The following SCD5 variants were observed in gnomAD, a reference collection of about 807,000 sequenced individuals.
The protein encoded by SCD5 is acyl-CoA-desaturase 4.
Under a neutral mutation model 30.4 loss-of-function variants are expected in SCD5, and 20 were observed. That is an observed-to-expected ratio of 0.66 (90% CI 0.46 to 0.96). The LOEUF (loss-of-function observed/expected upper bound fraction) is 0.96. Ranked by LOEUF, SCD5 falls within the 40% of genes least tolerant of loss-of-function variation. SCD5 has a pLI of 0.00. For missense variants in SCD5, 381 were observed against 443.3 expected (o/e 0.86, Z 1.26); for synonymous variants, 173 against 176.4 (o/e 0.98, Z 0.16).
At chr4:82,678,876 C>T (rs1728490986) in intron 3 of SCD5, among the ~76,000 whole-genome samples, 1 of 152,070 alleles carries the variant, frequency 6.6e-6, no homozygotes, top group Non-Finnish European at 1.5e-5. Flanking sequence ...TAGTGAAAAT[C>T]AACGTCAATA....
chr4:82,756,672 G>A (rs182187270), intron 1 of SCD5, among the ~76,000 whole-genome samples: 62 of 97,392 alleles, frequency 6.4e-4, no homozygotes, highest in African/African-American at 2.2e-3. Context: ...CCCTCCCCCC[G>A]TCCATGCAAT....
At chr4:82,678,070 T>A (rs1214861459) in intron 3 of SCD5, among the ~76,000 whole-genome samples, 2 of 152,006 alleles carry the variant, frequency 1.3e-5, no homozygotes, top group Non-Finnish European at 2.9e-5. Context: ...ACCAGGCAAC[T>A]AGGGGTGACC....
At chr4:82,767,067 C>A in intron 1 of SCD5, among the ~76,000 whole-genome samples, 1 of 152,126 alleles carries the variant, frequency 6.6e-6, no homozygotes, top group East Asian at 1.9e-4. Flanking sequence ...TTTTCCATTC[C>A]GGCTGGTGGG....
chr4:82,773,014 G>A (rs1721661517), intron 1 of SCD5, among the ~76,000 whole-genome samples: 1 of 152,148 alleles, frequency 6.6e-6, no homozygotes, highest in African/African-American at 2.4e-5. Flanking sequence ...CAACATTTCA[G>A]ATCTCATAGA....
intron 1 of SCD5, among the ~76,000 whole-genome samples, chr4:82,783,521 T>A (rs977151808): frequency 6.6e-6 from 1 of 151,958 alleles, no homozygotes; most frequent in African/African-American, 2.4e-5. Context: ...AGGAAAAAAA[T>A]TGGCCAGGCG....
intron 1 of SCD5, among the ~76,000 whole-genome samples, chr4:82,792,067 G>A (rs771400173): frequency 1.3e-5 from 2 of 151,624 alleles, no homozygotes; most frequent in African/African-American, 2.4e-5. Context: ...AGACCAGCCT[G>A]ACCAACATGA....
In SCD5 at chr4:82,680,762, T is replaced by C. The variant is rs1728551987; in HGVS notation, c.514A>G (p.Arg172Gly). Reference sequence around the variant, plus strand: ...AGCAGGTCAGTGACGTCAAGCTTTCTCCCCTTCTCAATAACATCTCGATGC... The same window carrying C: ...AGCAGGTCAGTGACGTCAAGCTTTCCCCCCTTCTCAATAACATCTCGATGC... The part of the protein sequence containing the change: ...RKHRDVIEKG[R>G]KLDVTDLLAD... Residue 172 changes from arginine (R) to glycine (G), a missense_variant, in exon 3 of 5, where the codon AGA becomes GGA. Coordinates refer to ENST00000319540, the MANE Select transcript of SCD5 (RefSeq NM_001037582.3). The C allele has an allele frequency of 6.2e-7, 1 of 1,613,832 alleles. No individual in the cohort carries two copies. Among genetic ancestry groups the C allele is most frequent in the Non-Finnish European group, 8.5e-7 (1 of 1,180,026 alleles).
In SCD5 at chr4:82,631,170, ATTATT is replaced by A; in HGVS notation, c.*152_*156del. 2 of 563,262 alleles carry A rather than the reference ATTATT, an allele frequency of 3.6e-6. No homozygotes were observed. Among genetic ancestry groups the A allele is most frequent in the Non-Finnish European group, 5.8e-6 (2 of 342,276 alleles). The allele number at this position is 563,262 out of a possible 1,614,324, so 34.9% of individuals were successfully genotyped here. On this transcript the variant is annotated 3_prime_UTR_variant, in exon 5 of 5. Transcript: ENST00000319540. ...TTTTCATTGATAATTGTATTTCAAC[ATTATT>A]TTGAGATAAACAAAAACATTCCCAA...
At chr4:82,787,513 G>A (rs753091730) in intron 1 of SCD5, among the ~76,000 whole-genome samples, 13 of 152,306 alleles carry the variant, frequency 8.5e-5, no homozygotes, top group Middle Eastern at 6.8e-3. Context: ...CACGCCCTCC[G>A]CTTCCTTCGA....
intron 1 of SCD5, among the ~76,000 whole-genome samples, chr4:82,707,135 GTAATGAAATATTCA>G (rs1245757213): frequency 6.6e-6 from 1 of 152,228 alleles, no homozygotes; most frequent in African/African-American, 2.4e-5. Flanking sequence ...TGCATCTGAG[GTAATGAAATATTCA>G]GACAAAGAAC....
rs1328853222 is a variant in SCD5, at chr4:82,798,526, C to G, written c.12G>C (p.Pro4=). The change falls in exon 1 of 5, where the codon CCG becomes CCC. Residue 4 remains proline (P), a synonymous_variant. Coordinates refer to ENST00000319540, the MANE Select transcript of SCD5 (RefSeq NM_001037582.3). The part of the protein sequence containing the change: MPG[P]ATDAGKIPFC... ...AAGGGATCTTCCCCGCGTCGGTGGC[C>G]GGGCCTGGCATGGCTGGGCGAGGTG... is the stretch of plus-strand genomic sequence containing the variant. The G allele has an allele frequency of 6.3e-7, 1 of 1,597,024 alleles. No individual in the cohort carries two copies. Among genetic ancestry groups the G allele is most frequent in the Non-Finnish European group, 8.5e-7 (1 of 1,172,716 alleles).
At chr4:82,793,443 C>G (rs1722141241) in intron 1 of SCD5, among the ~76,000 whole-genome samples, 1 of 152,160 alleles carries the variant, frequency 6.6e-6, no homozygotes, top group South Asian at 2.1e-4. Flanking sequence ...GGAGGAAGCA[C>G]AGAAGGGATT....
chr4:82,664,243 T>C (rs1728113674), intron 3 of SCD5, among the ~76,000 whole-genome samples: 4 of 152,152 alleles, frequency 2.6e-5, no homozygotes, highest in Admixed American at 1.3e-4. Flanking sequence ...AGGATAATAA[T>C]AGCAGCAGTA....
intron 3 of SCD5, among the ~76,000 whole-genome samples, chr4:82,642,599 C>G (rs1331104098): frequency 6.6e-6 from 1 of 152,204 alleles, no homozygotes; most frequent in African/African-American, 2.4e-5. Context: ...ATCAGTCCCC[C>G]AGGCGAGGTG....
At chr4:82,638,582 C>T (rs1023076945) in intron 3 of SCD5, among the ~76,000 whole-genome samples, 1 of 152,196 alleles carries the variant, frequency 6.6e-6, no homozygotes, top group African/African-American at 2.4e-5. Context: ...TTAGCTCCCC[C>T]ACACTTCCAG....
At chr4:82,649,818 C>T (rs1424890991) in intron 3 of SCD5, among the ~76,000 whole-genome samples, 5 of 152,178 alleles carry the variant, frequency 3.3e-5, no homozygotes, top group Admixed American at 1.3e-4. Flanking sequence ...GAAACATCCA[C>T]ATCTTTGTAG....
At chr4:82,760,155 C>G (rs1317639595) in intron 1 of SCD5, among the ~76,000 whole-genome samples, 2 of 152,174 alleles carry the variant, frequency 1.3e-5, no homozygotes, top group Non-Finnish European at 2.9e-5. Flanking sequence ...AACCCCACGC[C>G]TCCTTTGCTC....
chr4:82,662,876 A>C (rs1439567206), intron 3 of SCD5, among the ~76,000 whole-genome samples: 3 of 149,936 alleles, frequency 2.0e-5, no homozygotes, highest in Admixed American at 6.7e-5. Context: ...AAAAAAAAAA[A>C]CACACATGGT....
At chr4:82,653,711 G>A (rs373234343) in intron 3 of SCD5, among the ~76,000 whole-genome samples, 1 of 147,418 alleles carries the variant, frequency 6.8e-6, no homozygotes, top group Admixed American at 6.8e-5. Flanking sequence ...GATAGATATA[G>A]ATAGATAGAT....
Sources: gnomAD v4.1 joint callset for allele counts (sites outside exome capture counted in the v4.1 genomes callset) on GRCh38, gnomAD v4.1.1 for gene constraint, MANE v1.5 for transcripts, NCBI Gene and HGNC (gene_info 2026-07-23, HGNC 2026-07-21) for gene names.